The following NDE1 variants were observed in gnomAD, a reference collection of about 807,000 sequenced individuals.
NDE1 encodes nudE neurodevelopment protein 1.
Under a neutral mutation model 43.4 loss-of-function variants are expected in NDE1, and 28 were observed. That is an observed-to-expected ratio of 0.65 (90% CI 0.48 to 0.89). NDE1 has a LOEUF of 0.89. Among genes scored for constraint, NDE1 ranks in the 40% least tolerant of loss-of-function variants. The probability of loss-of-function intolerance (pLI) is 0.00; values close to 1 mark genes in which losing one functional copy is unlikely to be tolerated. For missense variants in NDE1, 441 were observed against 434.1 expected (o/e 1.02, Z -0.14); for synonymous variants, 184 against 172.0 (o/e 1.07, Z -0.55).
At chr16:15,717,878 G>T in intron 8 of NDE1, 1 of 271,216 alleles carries the variant, frequency 3.7e-6, no homozygotes, top group South Asian at 4.5e-5. Context: ...TCCTGGAGTC[G>T]CCTGGAGAAT....
chr16:15,705,266 G>C (rs2039384529), intron 8 of NDE1, among the ~76,000 whole-genome samples: 1 of 152,208 alleles, frequency 6.6e-6, no homozygotes, highest in South Asian at 2.1e-4. Context: ...ACAGGTGTGT[G>C]CCAGTGCACC....
At chr16:15,710,831 C>T (rs933428687) in intron 8 of NDE1, among the ~76,000 whole-genome samples, 2 of 152,140 alleles carry the variant, frequency 1.3e-5, no homozygotes, top group Middle Eastern at 3.2e-3. Context: ...GCATCTGCCA[C>T]CACGCCTAGC....
intron 8 of NDE1, chr16:15,703,712 C>A: frequency 2.1e-6 from 1 of 470,324 alleles, no homozygotes; most frequent in Non-Finnish European, 3.9e-6. Context: ...GCTCAGCCTC[C>A]CTAGTAGCTG....
At chr16:15,719,510 GCA>G (rs887004121) in intron 8 of NDE1, 2 of 1,604,446 alleles carry the variant, frequency 1.2e-6, no homozygotes, top group Admixed American at 1.7e-5. Flanking sequence ...ATCTGGGAAT[GCA>G]CAGACTGGAG....
intron 8 of NDE1, chr16:15,708,756 A>C (rs753914460): frequency 1.3e-6 from 2 of 1,585,014 alleles, no homozygotes; most frequent in African/African-American, 2.7e-5. Context: ...GCAGAAAAGA[A>C]ATGGATACTG....
At chr16:15,661,468 C>CT (rs1016354621) in intron 1 of NDE1, among the ~76,000 whole-genome samples, 8 of 149,510 alleles carry the variant, frequency 5.4e-5, no homozygotes, top group Non-Finnish European at 8.9e-5. Context: ...TTTGATTGTC[C>CT]TTTTTTTTTG....
chr16:15,670,669 A>G lies in NDE1; in HGVS notation c.237+3230A>G, dbSNP rs572680204. 4.0e-5 allele frequency among the ~76,000 whole-genome samples: 6 copies of G among 150,558 alleles called. No individual in the cohort carries two copies. In the East Asian group the frequency reaches 5.8e-4, roughly 15 times the overall value. On this transcript the variant is annotated intron_variant, in intron 3 of 8. Coordinates refer to ENST00000396354, the MANE Select transcript of NDE1 (RefSeq NM_017668.3). ...CGAAACTCTGTCTCAAAAAAAAAAA[A>G]AAAGAAAGAAAAAGAAAGGACTGCA...
At chr16:15,688,258 A>G (rs987669267) in intron 5 of NDE1, among the ~76,000 whole-genome samples, 14 of 152,128 alleles carry the variant, frequency 9.2e-5, no homozygotes, top group African/African-American at 1.2e-4. Flanking sequence ...ATGGCAACCA[A>G]TATATTTGGC....
intron 3 of NDE1, among the ~76,000 whole-genome samples, chr16:15,670,436 TC>T (rs1415307673): frequency 1.3e-5 from 2 of 152,044 alleles, no homozygotes; most frequent in Non-Finnish European, 2.9e-5. Flanking sequence ...GGTGGGCAGA[TC>T]ACCTGAGGTT....
chr16:15,672,718 G>A (rs2037659602), intron 3 of NDE1: 3 of 152,218 alleles, frequency 2.0e-5, no homozygotes, highest in Admixed American at 2.0e-4. Flanking sequence ...AATCGCCAGT[G>A]CAGTCGGTGG....
chr16:15,681,618 ATTT>A (rs767773763), intron 4 of NDE1, among the ~76,000 whole-genome samples: 75 of 151,728 alleles, frequency 4.9e-4, no homozygotes, highest in Non-Finnish European at 8.7e-4. Flanking sequence ...TTTCTAGGAG[ATTT>A]TTATATATTT....
chr16:15,663,396 C>T (rs35038992), intron 1 of NDE1, among the ~76,000 whole-genome samples: 2 of 151,716 alleles, frequency 1.3e-5, no homozygotes, highest in African/African-American at 2.4e-5. Flanking sequence ...CCCGCCACCA[C>T]GCCCAGCTAA....
At chr16:15,703,588 G>GGGTGGT (rs1223573737) in intron 8 of NDE1, 10 of 375,904 alleles carry the variant, frequency 2.7e-5, no homozygotes, top group African/African-American at 8.1e-5. Flanking sequence ...GGGGTAGTAG[G>GGGTGGT]GGTGGTGGTG....
intron 1 of NDE1, among the ~76,000 whole-genome samples, chr16:15,653,385 A>T (rs1340188110): frequency 6.6e-6 from 1 of 152,188 alleles, no homozygotes; most frequent in Non-Finnish European, 1.5e-5. Flanking sequence ...ATGTTGCCCC[A>T]GTGATGTCAC....
At chr16:15,717,866 T>G (rs1431842251) in intron 8 of NDE1, 1 of 262,700 alleles carries the variant, frequency 3.8e-6, no homozygotes, top group Non-Finnish European at 7.4e-6. Context: ...TTGCTTTCTC[T>G]GTCCTGGAGT....
In NDE1 at chr16:15,721,286, G is replaced by C. The variant is rs1192166776; in HGVS notation, c.948-2905G>C. 3.6e-6 allele frequency: 4 copies of C among 1,116,400 alleles called. No homozygotes were observed. In the African/African-American group the frequency reaches 6.2e-5, roughly 17 times the overall value. The allele number at this position is 1,116,400 out of a possible 1,614,324, so 69.2% of individuals were successfully genotyped here. ...TCAGCCCCTCCCAGCCCCTGCACCA[G>C]TCCAAAAACCTCCTTCCATTTCCGA... On this transcript the variant is annotated intron_variant, in intron 8 of 8. Coordinates refer to ENST00000396354, the MANE Select transcript of NDE1 (RefSeq NM_017668.3).
chr16:15,715,674 G>A (rs1332894671), intron 8 of NDE1, among the ~76,000 whole-genome samples: 1 of 152,128 alleles, frequency 6.6e-6, no homozygotes, highest in African/African-American at 2.4e-5. Flanking sequence ...ACCCAGGTTG[G>A]AGTGCAGTGG....
At chr16:15,720,006 T>C in intron 8 of NDE1, 1 of 1,198,866 alleles carries the variant, frequency 8.3e-7, no homozygotes, top group Non-Finnish European at 1.2e-6. Context: ...CACCAAATCC[T>C]GAATGGTTCC....
intron 3 of NDE1, among the ~76,000 whole-genome samples, chr16:15,677,411 C>T (rs958924619): frequency 3.3e-5 from 5 of 152,028 alleles, no homozygotes; most frequent in Non-Finnish European, 7.4e-5. Flanking sequence ...CGTGGTAAAA[C>T]CCGGTCTCTA....
Sources: allele counts gnomAD v4.1 joint callset (sites outside exome capture counted in the v4.1 genomes callset), GRCh38; gene constraint gnomAD v4.1.1; transcripts MANE v1.5; gene names NCBI Gene and HGNC (gene_info 2026-07-23, HGNC 2026-07-21).